The following PIGK variants were observed in gnomAD, a reference collection of about 807,000 sequenced individuals.
PIGK encodes phosphatidylinositol glycan anchor biosynthesis class K.
A neutral mutation model predicts 50.6 loss-of-function variants in PIGK; 42 were observed. That is an observed-to-expected ratio of 0.83 (90% CI 0.65 to 1.07). PIGK has a LOEUF of 1.07. PIGK is among the 50% of genes least tolerant of loss of function. The pLI is 0.00. For missense variants in PIGK, 448 were observed against 488.7 expected (o/e 0.92, Z 0.78); for synonymous variants, 151 against 156.0 (o/e 0.97, Z 0.24).
intron 3 of PIGK, among the ~76,000 whole-genome samples, chr1:77,174,402 C>T (rs1259211784): frequency 6.6e-6 from 1 of 152,132 alleles, no homozygotes; most frequent in Non-Finnish European, 1.5e-5. Flanking sequence ...CCTCAAGAAA[C>T]CTCAGGAATT....
At chr1:77,118,192 T>C (rs896401938) in intron 10 of PIGK, among the ~76,000 whole-genome samples, 4 of 152,210 alleles carry the variant, frequency 2.6e-5, no homozygotes, top group African/African-American at 9.6e-5. Context: ...ATGAAGGTGT[T>C]AATTCCATGA....
At position 77,109,598 on chromosome 1, in the gene PIGK, T is replaced by A. The variant is rs1214334670; in HGVS notation, c.1071+12677A>T. Among the ~76,000 whole-genome samples the A allele has an allele frequency of 2.0e-5, 3 of 152,206 alleles. No individual in the cohort carries two copies. In the South Asian group the frequency reaches 6.2e-4, roughly 31 times the overall value. ...AAACTCTACATAAATTAGGTATTGA[T>A]GGGATGTTATCTCAAAATAATAAGA... On this transcript the variant is annotated intron_variant, in intron 10 of 10. Coordinates refer to ENST00000370812, the MANE Select transcript of PIGK (RefSeq NM_005482.3).
intron 3 of PIGK, among the ~76,000 whole-genome samples, chr1:77,175,242 T>C (rs1413285389): frequency 6.6e-6 from 1 of 152,172 alleles, no homozygotes; most frequent in Non-Finnish European, 1.5e-5. Flanking sequence ...AGATAAGGCC[T>C]GGGGAAATGT....
chr1:77,151,139 G>A (rs1098130), intron 9 of PIGK, among the ~76,000 whole-genome samples: 23,611 of 151,794 alleles, frequency 0.16, 2,895 homozygotes, highest in African/African-American at 0.34. Context: ...ATTAAAAAAA[G>A]ACCATTCCAT....
Position 77,176,789 on chromosome 1 carries a change from A to G in PIGK, c.240-7394T>C, listed in dbSNP as rs554755359. Among the ~76,000 whole-genome samples the G allele has an allele frequency of 3.9e-4, 60 of 152,306 alleles. No individual in the cohort carries two copies. In the East Asian group the frequency reaches 9.7e-3, roughly 25 times the overall value. On this transcript the variant is annotated intron_variant, in intron 3 of 10. Coordinates refer to ENST00000370812, the MANE Select transcript of PIGK (RefSeq NM_005482.3). ...TGGCATTCAAGATGACATAAGTCCA[A>G]TGTCAAGCATGGACTCTTGGAGAAC...
chr1:77,176,093 C>T (rs1016514023), intron 3 of PIGK, among the ~76,000 whole-genome samples: 2 of 152,106 alleles, frequency 1.3e-5, no homozygotes, highest in South Asian at 2.1e-4. Flanking sequence ...TAAGTCTCCC[C>T]TCTATCAATG....
intron 3 of PIGK, among the ~76,000 whole-genome samples, chr1:77,187,506 G>A (rs867983253): frequency 6.6e-6 from 1 of 152,150 alleles, no homozygotes. Flanking sequence ...TTGCCACCTG[G>A]ACACTTTGGG....
At chr1:77,104,356 G>A (rs1457468386) in intron 10 of PIGK, among the ~76,000 whole-genome samples, 7 of 151,982 alleles carry the variant, frequency 4.6e-5, no homozygotes, top group African/African-American at 1.7e-4. Flanking sequence ...AACACATGAG[G>A]AGAGAAATAG....
chr1:77,216,175 AAT>A (rs1656560654), intron 1 of PIGK, among the ~76,000 whole-genome samples: 3 of 152,190 alleles, frequency 2.0e-5, no homozygotes, highest in Non-Finnish European at 2.9e-5. Flanking sequence ...TTTCATATTG[AAT>A]ATGTCTGAAA....
chr1:77,152,015 A>G (rs78592827), intron 9 of PIGK, among the ~76,000 whole-genome samples: 3 of 152,302 alleles, frequency 2.0e-5, no homozygotes, highest in East Asian at 1.9e-4. Context: ...TAAAATTTCT[A>G]TGGAACCACA....
chr1:77,199,725 G>C (rs1330470497), intron 3 of PIGK, among the ~76,000 whole-genome samples: 4 of 151,934 alleles, frequency 2.6e-5, no homozygotes, highest in Admixed American at 2.6e-4. Flanking sequence ...AAGATATTTA[G>C]ATAGAAAAGA....
At chr1:77,145,526 A>G (rs1029610898) in intron 9 of PIGK, among the ~76,000 whole-genome samples, 3 of 152,068 alleles carry the variant, frequency 2.0e-5, no homozygotes, top group Non-Finnish European at 4.4e-5. Flanking sequence ...CAATAAAACA[A>G]TATAGAGAAA....
At chr1:77,144,938 TA>T (rs1372113934) in intron 9 of PIGK, among the ~76,000 whole-genome samples, 4 of 151,940 alleles carry the variant, frequency 2.6e-5, no homozygotes, top group African/African-American at 4.8e-5. Flanking sequence ...AATGCTGAGA[TA>T]ATGTGGAATT....
intron 8 of PIGK, among the ~76,000 whole-genome samples, chr1:77,157,726 C>T (rs189136293): frequency 6.6e-6 from 1 of 152,278 alleles, no homozygotes; most frequent in African/African-American, 2.4e-5. Context: ...TATGTCCCCA[C>T]CCAAATCTCA....
chr1:77,161,226 A>G, intron 8 of PIGK, 69 bp downstream of exon 8: 2 of 793,522 alleles, frequency 2.5e-6, no homozygotes, highest in Non-Finnish European at 4.5e-6. Context: ...AGTGCAGGGA[A>G]TAATACACTT....
intron 10 of PIGK, among the ~76,000 whole-genome samples, chr1:77,104,676 G>A (rs77031233): frequency 0.026 from 4,023 of 152,216 alleles, 173 homozygotes; most frequent in African/African-American, 0.093. Context: ...ATTTTCTCGC[G>A]CCTTCAACAA....
chr1:77,130,853 C>T (rs1218398991), intron 9 of PIGK, among the ~76,000 whole-genome samples: 2 of 152,106 alleles, frequency 1.3e-5, no homozygotes, highest in Admixed American at 1.3e-4. Context: ...CAGATACAAA[C>T]CTCTCCACAT....
chr1:77,208,169 T>A (rs907976726), intron 2 of PIGK, among the ~76,000 whole-genome samples: 1 of 152,094 alleles, frequency 6.6e-6, no homozygotes, highest in Non-Finnish European at 1.5e-5. Flanking sequence ...AGGGCTACAG[T>A]GAGCTATGAT....
At chr1:77,116,595 T>TGTGTGC (rs1293791795) in intron 10 of PIGK, among the ~76,000 whole-genome samples, 1 of 92,116 alleles carries the variant, frequency 1.1e-5, no homozygotes, top group African/African-American at 5.0e-5. Context: ...TGTGTGTGTG[T>TGTGTGC]GCGCGTGTGT....
Sources: gnomAD v4.1 joint callset for allele counts (sites outside exome capture counted in the v4.1 genomes callset) on GRCh38, gnomAD v4.1.1 for gene constraint, MANE v1.5 for transcripts, NCBI Gene and HGNC (gene_info 2026-07-23, HGNC 2026-07-21) for gene names.